Variants in CKAP5 observed in about 807,000 individuals in gnomAD.
The protein encoded by CKAP5 is cytoskeleton-associated protein 5.
In CKAP5, 27 loss-of-function variants were observed where a neutral mutation model predicts 232.8. That is an observed-to-expected ratio of 0.12 (90% CI 0.09 to 0.16). The LOEUF is 0.16. CKAP5 is among the 10% of genes least tolerant of loss of function. The pLI is 1.00. For missense variants in CKAP5, 1,838 were observed against 2,424.7 expected (o/e 0.76, Z 5.08); for synonymous variants, 785 against 841.1 (o/e 0.93, Z 1.16).
chr11:46,818,783 ACTT>A (rs1351067315), intron 2 of CKAP5, among the ~76,000 whole-genome samples: 1 of 152,164 alleles, frequency 6.6e-6, no homozygotes, highest in African/African-American at 2.4e-5. Context: ...AAGAATTATT[ACTT>A]CTTTATAATA....
chr11:46,790,003 C>A lies in CKAP5; in HGVS notation c.1875+73G>T. ...ATAAAACACAGCAATTAGGACAAAT[C>A]CTTCATTCATCAATTTCGCTGCTTC... is the stretch of plus-strand genomic sequence containing the variant. On this transcript the variant is annotated intron_variant, in intron 15 of 43. Transcript: ENST00000529230. The A allele has an allele frequency of 4.1e-6, 4 of 969,730 alleles. No individual in the cohort carries two copies. The South Asian group carries it at 4.3e-5, about 10-fold the overall frequency. 60.1% of individuals were successfully genotyped at this position (969,730 alleles called of 1,614,324 possible). A position where few individuals can be genotyped will look rare whatever the true frequency, so the allele number is the denominator to read the frequency against.
chr11:46,813,343 A>T (rs1236763336), intron 4 of CKAP5, among the ~76,000 whole-genome samples: 1 of 152,188 alleles, frequency 6.6e-6, no homozygotes, highest in Admixed American at 6.5e-5. Flanking sequence ...GAGATTTCTT[A>T]AATCTTCCTA....
rs540673587 is a variant in CKAP5, at chr11:46,794,663, C to T, written c.1650+931G>A. On this transcript the variant is annotated intron_variant, in intron 13 of 43. Coordinates refer to ENST00000529230, the MANE Select transcript of CKAP5 (RefSeq NM_001008938.4). ...GACTAGCTTGGGCAACACAGCGAGG[C>T]CCTCTATAAAAAATTTTTAAAAATA... is the stretch of plus-strand genomic sequence containing the variant. Among the ~76,000 whole-genome samples, 14 of 151,650 alleles carry T rather than the reference C, an allele frequency of 9.2e-5. No homozygotes were observed. The East Asian group carries it at 1.6e-3, about 17-fold the overall frequency.
chr11:46,744,108 G>A lies in CKAP5; in HGVS notation c.6014C>T (p.Ser2005Leu), dbSNP rs1565712181. The A allele has an allele frequency of 6.2e-7, 1 of 1,614,122 alleles. No individual in the cohort carries two copies. The highest frequency in any genetic ancestry group is 1.7e-5 in the Admixed American group (1 of 60,020). The change falls in exon 44 of 44, where the codon TCA becomes TTA. Residue 2005 changes from serine to leucine, a missense_variant. Transcript: ENST00000529230. Reference sequence around the variant, plus strand: ...GGAGGAGGAGGAGGTCACAGTTCCTGAAGAGTGAGTCTGGTTAGAATCCAG... The same window carrying A: ...GGAGGAGGAGGAGGTCACAGTTCCTAAAGAGTGAGTCTGGTTAGAATCCAG... ...SDLDSNQTHS[S>L]GTVTSSSSTA...
Position 46,778,149 on chromosome 11 carries a change from T to C in CKAP5, c.2738A>G (p.Asn913Ser). The part of the protein sequence containing the change: ...TALKGRLNDS[N>S]KILVQQTLNI... ...GTATGCTCTACATACCAAGATTTTA[T>C]TTGAATCATTGAGTCGACCCTTCAA... The change falls in exon 22 of 44, where the codon AAT becomes AGT. Residue 913 changes from asparagine to serine, a missense_variant. Around this residue, in one of 6 missense-constraint regions of CKAP5, gnomAD observed 767 missense variants for 954.6 expected, o/e 0.80. Transcript: ENST00000529230. The C allele has an allele frequency of 6.2e-7, 1 of 1,613,620 alleles. No homozygotes were observed. The highest frequency in any genetic ancestry group is 8.5e-7 in the Non-Finnish European group (1 of 1,179,798).
At chr11:46,771,186 TA>T (rs1327019106) in intron 24 of CKAP5, among the ~76,000 whole-genome samples, 1 of 152,222 alleles carries the variant, frequency 6.6e-6, no homozygotes, top group Non-Finnish European at 1.5e-5. Context: ...ATCTTTAAGA[TA>T]AGGACACATT....
Position 46,744,099 on chromosome 11 carries a change from A to C in CKAP5, c.6023T>G (p.Val2008Gly), listed in dbSNP as rs774943816. The change falls in exon 44 of 44, where the codon GTG becomes GGG. Residue 2008 changes from valine (V) to glycine (G), a missense_variant. Around this residue, in one of 6 missense-constraint regions of CKAP5, gnomAD observed 62 missense variants for 61.1 expected, o/e 1.01. Coordinates refer to ENST00000529230, the MANE Select transcript of CKAP5 (RefSeq NM_001008938.4). ...GTTAGCTGTGGAGGAGGAGGAGGTC[A>C]CAGTTCCTGAAGAGTGAGTCTGGTT... ...DSNQTHSSGT[V>G]TSSSSTANID... The C allele has an allele frequency of 7.4e-6, 12 of 1,613,770 alleles. No individual in the cohort carries two copies. The South Asian group carries it at 1.3e-4, about 18-fold the overall frequency.
Position 46,762,703 on chromosome 11 carries a change from G to A in CKAP5, c.3951C>T (p.Cys1317=), listed in dbSNP as rs1247723531. The change falls in exon 31 of 44, where the codon TGC becomes TGT. Residue 1317 remains cysteine, a synonymous_variant. Transcript: ENST00000529230. ...ACATCTTGCTAGCTGGGTAGACAAG[G>A]CACATCCGGTTCAGGATGGCACGAA... ...KDVRAILNRM[C]LVYPASKMFP... The A allele has an allele frequency of 1.9e-6, 3 of 1,613,918 alleles. No homozygotes were observed. The highest frequency in any genetic ancestry group is 2.5e-6 in the Non-Finnish European group (3 of 1,179,802).
chr11:46,744,249 G>A lies in CKAP5; in HGVS notation c.5873C>T (p.Pro1958Leu). 1 of 1,614,124 alleles carries A rather than the reference G, an allele frequency of 6.2e-7. No homozygotes were observed. The highest frequency in any genetic ancestry group is 8.5e-7 in the Non-Finnish European group (1 of 1,180,024). The change falls in exon 44 of 44, where the codon CCT (proline) becomes CTT (leucine). Residue 1958 changes from proline to leucine, a missense_variant. Pro to Leu is a moderately conservative substitution (Grantham distance 98). Around this residue, in one of 6 missense-constraint regions of CKAP5, gnomAD observed 579 missense variants for 843.2 expected, o/e 0.69. Coordinates refer to ENST00000529230, the MANE Select transcript of CKAP5 (RefSeq NM_001008938.4). Reference sequence around the variant, plus strand: ...TGGTTTGGAGAGCAAAGAGGTCAAAGGAGGTCGGTCATCTTGCTATTGAGA... The same window carrying A: ...TGGTTTGGAGAGCAAAGAGGTCAAAAGAGGTCGGTCATCTTGCTATTGAGA... ...LDNTKQDDRPPLTSLLSKPAV... is the reference protein window; with the variant it reads ...LDNTKQDDRPLLTSLLSKPAV...
At chr11:46,802,658 T>C (rs912895073) in intron 8 of CKAP5, among the ~76,000 whole-genome samples, 3 of 152,120 alleles carry the variant, frequency 2.0e-5, no homozygotes, top group African/African-American at 7.2e-5. Context: ...CTCTTCTTTT[T>C]TCACTCTTTT....
In CKAP5 at chr11:46,754,950, C is replaced by T; in HGVS notation, c.4807G>A (p.Glu1603Lys). Residue 1603 changes from glutamate (E) to lysine (K), a missense_variant, in exon 36 of 44, where the codon GAG becomes AAG. Transcript: ENST00000529230. ...RLIYNTHMAD[E>K]KLEKDEIIKL... ...ATGATCTCGTCCTTCTCCAATTTCTCATCTGCCATGTGTGTGTTGTAGATG... is the reference window on the plus strand; with the variant it reads ...ATGATCTCGTCCTTCTCCAATTTCTTATCTGCCATGTGTGTGTTGTAGATG... The T allele has an allele frequency of 1.9e-6, 3 of 1,613,912 alleles. No individual in the cohort carries two copies. The highest frequency in any genetic ancestry group is 2.5e-6 in the Non-Finnish European group (3 of 1,179,912).
chr11:46,770,195 C>T (rs926010286), intron 25 of CKAP5, 97 bp from the exon 26 acceptor site: 2 of 1,317,504 alleles, frequency 1.5e-6, no homozygotes, highest in African/African-American at 2.9e-5. Context: ...AATGATTGAG[C>T]TCCTAGTTTT....
chr11:46,820,309 G>A (rs570803556), intron 2 of CKAP5, among the ~76,000 whole-genome samples: 1 of 152,076 alleles, frequency 6.6e-6, no homozygotes, highest in South Asian at 2.1e-4. Flanking sequence ...TACAGTATTC[G>A]GCCTTGGCTA....
rs1413981507 is a variant in CKAP5 at position 46,763,025 on chromosome 11, T to C, written c.3842A>G (p.His1281Arg). 3.1e-6 allele frequency: 5 copies of C among 1,613,900 alleles called. No homozygotes were observed. The highest frequency in any genetic ancestry group is 4.2e-6 in the Non-Finnish European group (5 of 1,179,782). ...GGAAGATGCTTCATTCTCAGTAAGA[T>C]GATATTCTTCTTCACTTAGCAAGGT... Reference protein sequence around the residue: ...LFTLLSEEEYHLTENEASSFI... With the variant: ...LFTLLSEEEYRLTENEASSFI... The change falls in exon 30 of 44, where the codon CAT (histidine) becomes CGT (arginine). Residue 1281 changes from histidine to arginine, a missense_variant. Coordinates refer to ENST00000529230, the MANE Select transcript of CKAP5 (RefSeq NM_001008938.4).
At chr11:46,833,115 G>A (rs912129551) in intron 1 of CKAP5, among the ~76,000 whole-genome samples, 19 of 152,152 alleles carry the variant, frequency 1.2e-4, no homozygotes, top group African/African-American at 4.3e-4. Flanking sequence ...AGTACAATAA[G>A]AGAGTATGAC....
intron 8 of CKAP5, among the ~76,000 whole-genome samples, chr11:46,806,712 C>A (rs76243772): frequency 6.6e-6 from 1 of 152,172 alleles, no homozygotes; most frequent in Non-Finnish European, 1.5e-5. Context: ...TCATCATTCA[C>A]GAATCCATAT....
chr11:46,844,404 C>T (rs912747899), intron 1 of CKAP5, among the ~76,000 whole-genome samples: 9 of 151,866 alleles, frequency 5.9e-5, no homozygotes, highest in Admixed American at 3.9e-4. Flanking sequence ...TACAATAAAC[C>T]GTGAAGGTAA....
At chr11:46,754,150 A>G (rs2065092669) in intron 36 of CKAP5, among the ~76,000 whole-genome samples, 1 of 151,422 alleles carries the variant, frequency 6.6e-6, no homozygotes, top group Non-Finnish European at 1.5e-5. Context: ...GGCGCCCGCC[A>G]CCAGGCCTGG....
intron 1 of CKAP5, among the ~76,000 whole-genome samples, chr11:46,832,725 G>A (rs1412850984): frequency 6.6e-6 from 1 of 152,170 alleles, no homozygotes; most frequent in Non-Finnish European, 1.5e-5. Flanking sequence ...GGCAAACAGA[G>A]TAACTTGCCT....
Sources: gnomAD v4.1 joint callset for allele counts (sites outside exome capture counted in the v4.1 genomes callset) on GRCh38, gnomAD v4.1.1 for gene constraint, gnomAD v4.1.1 regional missense constraint, MANE v1.5 for transcripts, NCBI Gene and HGNC (gene_info 2026-07-23, HGNC 2026-07-21) for gene names.